TRIM71: variants seen among roughly 807,000 people sequenced by gnomAD.
TRIM71 encodes the protein tripartite motif containing 71.
TRIM71 carries 9 observed loss-of-function variants against 61.2 expected under a neutral mutation model. The observed-to-expected ratio is 0.15, with a 90% confidence interval of 0.09 to 0.26. TRIM71 has a LOEUF of 0.26. TRIM71 is among the 10% of genes least tolerant of loss of function. The probability of loss-of-function intolerance (pLI) is 1.00; values close to 1 mark genes in which losing one functional copy is unlikely to be tolerated. For synonymous variants in TRIM71, 645 were observed against 553.2 expected (o/e 1.17, Z -2.33); for missense variants, 998 against 1,238.7 (o/e 0.81, Z 2.92).
chr3:32,850,431 G>C (rs1319196142), intron 1 of TRIM71, among the ~76,000 whole-genome samples: 1 of 152,084 alleles, frequency 6.6e-6, no homozygotes, highest in African/African-American at 2.4e-5. Flanking sequence ...TATTTCAAAG[G>C]GATATTGTAT....
chr3:32,857,863 C>T (rs373884354), intron 1 of TRIM71, among the ~76,000 whole-genome samples: 4 of 152,048 alleles, frequency 2.6e-5, no homozygotes, highest in East Asian at 1.9e-4. Context: ...CTCAGCTACT[C>T]TGGAGGCTGA....
chr3:32,884,545 A>AAAAAAAAAG (rs1272614224), intron 2 of TRIM71, among the ~76,000 whole-genome samples: 1 of 151,726 alleles, frequency 6.6e-6, no homozygotes, highest in Non-Finnish European at 1.5e-5. Context: ...TATTTGAAAA[A>AAAAAAAAAG]AAAAAAAAAG....
At chr3:32,882,613 A>C (rs571171185) in intron 2 of TRIM71, among the ~76,000 whole-genome samples, 1 of 152,274 alleles carries the variant, frequency 6.6e-6, no homozygotes. Flanking sequence ...TGGTGCAGTC[A>C]CAGCTTGCTG....
chr3:32,819,521 A>C (rs1339845176), intron 1 of TRIM71, among the ~76,000 whole-genome samples: 3 of 152,046 alleles, frequency 2.0e-5, no homozygotes, highest in Admixed American at 6.6e-5. Flanking sequence ...TTGCCTCCTT[A>C]TGTTGGGTAA....
In TRIM71 at chr3:32,881,881, A is replaced by C. The variant is rs1298730176; in HGVS notation, c.1021-4053A>C. Among the ~76,000 whole-genome samples, 9 of 152,118 alleles carry C rather than the reference A, an allele frequency of 5.9e-5. No homozygotes were observed. In the South Asian group the frequency reaches 1.9e-3, roughly 31 times the overall value. ...TTGGAAGGGAAAGACCTATTTTTCC[A>C]CTATGCATTGGGTAGGGCTTTTGTG... On this transcript the variant is annotated intron_variant, in intron 2 of 3. Transcript: ENST00000383763.
At chr3:32,877,550 T>A (rs1011899689) in intron 2 of TRIM71, among the ~76,000 whole-genome samples, 4 of 152,086 alleles carry the variant, frequency 2.6e-5, no homozygotes, top group African/African-American at 9.7e-5. Flanking sequence ...GAGATGGGGC[T>A]CGCTTTGTTG....
At chr3:32,884,968 C>T (rs989501910) in intron 2 of TRIM71, among the ~76,000 whole-genome samples, 1 of 152,170 alleles carries the variant, frequency 6.6e-6, no homozygotes, top group Non-Finnish European at 1.5e-5. Flanking sequence ...AGGCCCTAAA[C>T]TAACCCAGGA....
intron 1 of TRIM71, among the ~76,000 whole-genome samples, chr3:32,868,013 T>C (rs1326045859): frequency 2.0e-5 from 3 of 152,268 alleles, no homozygotes; most frequent in Non-Finnish European, 2.9e-5. Flanking sequence ...CTTAATCTTA[T>C]TTAACAGACG....
At position 32,893,204 on chromosome 3, in the gene TRIM71, C is replaced by G. The variant is rs1182862088; in HGVS notation, c.*1393C>G. 1.3e-5 allele frequency: 2 copies of G among 151,490 alleles called. No individual in the cohort carries two copies. The highest frequency in any genetic ancestry group is 2.9e-5 in the Non-Finnish European group (2 of 67,982). The allele number at this position is 151,490 out of a possible 1,614,324, so 9.4% of individuals were successfully genotyped here. ...TGAATCCCCCCGCCCCCTCTCCCCC[C>G]AAGGCCTTTGACCATAAAGGATCTA... On this transcript the variant is annotated 3_prime_UTR_variant, in exon 4 of 4. Coordinates refer to ENST00000383763, the MANE Select transcript of TRIM71 (RefSeq NM_001039111.3).
At chr3:32,863,259 A>C (rs992334763) in intron 1 of TRIM71, among the ~76,000 whole-genome samples, 2 of 124,658 alleles carry the variant, frequency 1.6e-5, no homozygotes, top group African/African-American at 6.4e-5. Flanking sequence ...AGCCAGGCTG[A>C]CTGCGGTGGT....
In TRIM71 at chr3:32,818,625, G is replaced by T; in HGVS notation, c.545G>T (p.Gly182Val). 7.0e-7 allele frequency: 1 copy of T among 1,438,782 alleles called. No individual in the cohort carries two copies. The highest frequency in any genetic ancestry group is 9.1e-7 in the Non-Finnish European group (1 of 1,104,644). The allele number at this position is 1,438,782 out of a possible 1,614,324, so 89.1% of individuals were successfully genotyped here. ...CCCGCGCCTTCCCGCTCGGCACCCG[G>T]CGGCCCTGCCGCTTCCCCGTCGGCG... is the stretch of plus-strand genomic sequence containing the variant. ...QPPAPSRSAP[G>V]GPAASPSALL... is the part of the protein sequence containing the mutation. The change falls in exon 1 of 4, where the codon GGC becomes GTC. Residue 182 changes from glycine to valine, a missense_variant. Physicochemically the swap from Gly to Val is moderately radical, Grantham distance 109. Around this residue, in one of 5 missense-constraint regions of TRIM71, gnomAD observed 527 missense variants for 427.8 expected, o/e 1.23. Coordinates refer to ENST00000383763, the MANE Select transcript of TRIM71 (RefSeq NM_001039111.3).
At chr3:32,818,972 CT>C in intron 1 of TRIM71, 40 bp downstream of exon 1, 4 of 1,597,144 alleles carry the variant, frequency 2.5e-6, no homozygotes, top group Non-Finnish European at 3.4e-6. Context: ...CATCGGATAA[CT>C]GCGTGTGTGC....
At chr3:32,840,670 A>G (rs1438728682) in intron 1 of TRIM71, among the ~76,000 whole-genome samples, 1 of 152,060 alleles carries the variant, frequency 6.6e-6, no homozygotes, top group East Asian at 1.9e-4. Context: ...TTGTTTGGAT[A>G]CCACCCCCAA....
In TRIM71 at chr3:32,886,035, C is replaced by T. The variant is rs939600419; in HGVS notation, c.1122C>T (p.Ala374=). ...CCGTGACGGCGAGGCATAAGAAAGC[C>T]CTGGAGGAACGCGAGTGTGAGCTGC... ...VKAVTARHKK[A]LEERECELLW... Residue 374 remains alanine, a synonymous_variant, in exon 3 of 4, where the codon GCC becomes GCT. Transcript: ENST00000383763. 9 of 1,613,934 alleles carry T rather than the reference C, an allele frequency of 5.6e-6. No individual in the cohort carries two copies. Among genetic ancestry groups the T allele is most frequent in the Non-Finnish European group, 5.9e-6 (7 of 1,179,992 alleles).
In TRIM71 at chr3:32,885,820, G is replaced by A. The variant is rs537118363; in HGVS notation, c.1021-114G>A. 61 of 1,440,240 alleles carry A rather than the reference G, an allele frequency of 4.2e-5. No homozygotes were observed. In the African/African-American group the frequency reaches 8.1e-4, roughly 19 times the overall value. 89.2% of individuals were successfully genotyped at this position (1,440,240 alleles called of 1,614,324 possible). On this transcript the variant is annotated intron_variant, in intron 2 of 3. Transcript: ENST00000383763. ...TCCTTCCAAGGGAGTGAATCAAGTGGTCTGGGAACCCAGGGTGTCAGCTTT... is the reference window on the plus strand; with the variant it reads ...TCCTTCCAAGGGAGTGAATCAAGTGATCTGGGAACCCAGGGTGTCAGCTTT...
At chr3:32,828,403 A>G (rs142956757) in intron 1 of TRIM71, among the ~76,000 whole-genome samples, 10 of 152,104 alleles carry the variant, frequency 6.6e-5, no homozygotes, top group African/African-American at 1.7e-4. Flanking sequence ...CAGTTTTTGC[A>G]TCTGTAAAAT....
At chr3:32,862,335 C>G (rs9784345) in intron 1 of TRIM71, among the ~76,000 whole-genome samples, 3,946 of 152,308 alleles carry the variant, frequency 0.026, 162 homozygotes, top group African/African-American at 0.085. Flanking sequence ...GTCTGTATTT[C>G]TGCTTCTCTT....
At position 32,818,315 on chromosome 3, in the gene TRIM71, G is replaced by T; in HGVS notation, c.235G>T (p.Gly79Cys). 1 of 1,438,312 alleles carries T rather than the reference G, an allele frequency of 7.0e-7. No individual in the cohort carries two copies. Among genetic ancestry groups the T allele is most frequent in the Non-Finnish European group, 9.1e-7 (1 of 1,101,274 alleles). The allele number at this position is 1,438,312 out of a possible 1,614,324, so 89.1% of individuals were successfully genotyped here. A position where few individuals can be genotyped will look rare whatever the true frequency, so the allele number is the denominator to read the frequency against. ...CGAGGCGCACCGGCTGCCGGCGGCG[G>T]GCGGCGGCGCGGCGGGAGAGCCGCT... The part of the protein sequence containing the change: ...CLEAHRLPAA[G>C]GGAAGEPLKL... Residue 79 changes from glycine (G) to cysteine (C), a missense_variant, in exon 1 of 4, where the codon GGC becomes TGC. Transcript: ENST00000383763.
At chr3:32,833,925 T>A (rs1417766348) in intron 1 of TRIM71, among the ~76,000 whole-genome samples, 1 of 152,206 alleles carries the variant, frequency 6.6e-6, no homozygotes, top group Non-Finnish European at 1.5e-5. Flanking sequence ...ATTCTTCATT[T>A]TCCTAAAACA....
Sources: gnomAD v4.1 joint callset for allele counts (sites outside exome capture counted in the v4.1 genomes callset) on GRCh38, gnomAD v4.1.1 for gene constraint, gnomAD v4.1.1 regional missense constraint, MANE v1.5 for transcripts, NCBI Gene and HGNC (gene_info 2026-07-23, HGNC 2026-07-21) for gene names.